Variants in SLC25A1 observed in about 807,000 individuals in gnomAD.
SLC25A1 encodes solute carrier family 25 member 1.
A neutral mutation model predicts 38.1 loss-of-function variants in SLC25A1; 26 were observed. That is an observed-to-expected ratio of 0.68 (90% CI 0.50 to 0.95). The LOEUF (loss-of-function observed/expected upper bound fraction) is 0.95. Ranked by LOEUF, SLC25A1 falls within the 40% of genes least tolerant of loss-of-function variation. SLC25A1 has a pLI of 0.00. For missense variants in SLC25A1, 378 were observed against 426.6 expected (o/e 0.89, Z 1.00); for synonymous variants, 211 against 183.2 (o/e 1.15, Z -1.23).
chr22:19,178,728 T>G lies in SLC25A1; in HGVS notation c.-55A>C. 1.2e-6 allele frequency: 1 copy of G among 865,552 alleles called. No homozygotes were observed. Among genetic ancestry groups the G allele is most frequent in the South Asian group, 5.3e-5 (1 of 18,890 alleles). 53.6% of individuals were successfully genotyped at this position (865,552 alleles called of 1,614,324 possible). ...GGCTTCGGGTCCGAGACTCCAGAACTCCGCGCTCGGTCCGCGGTGGCGGCG... is the reference window on the plus strand; with the variant it reads ...GGCTTCGGGTCCGAGACTCCAGAACGCCGCGCTCGGTCCGCGGTGGCGGCG... On this transcript the variant is annotated 5_prime_UTR_variant, in exon 1 of 9. Coordinates refer to ENST00000215882, the MANE Select transcript of SLC25A1 (RefSeq NM_005984.5). The surrounding 1 kb of genome is among the most constrained non-coding windows in gnomAD (Gnocchi z 4.9).
At chr22:19,177,355 G>T in intron 4 of SLC25A1, 151 bp from the exon 5 acceptor site, 1 of 644,000 alleles carries the variant, frequency 1.6e-6, no homozygotes, top group Non-Finnish European at 2.7e-6. Context: ...CTGCCCACAC[G>T]GACCATGCCC....
chr22:19,176,225 G>C lies in SLC25A1; in HGVS notation c.841C>G (p.Pro281Ala). 6.2e-7 allele frequency: 1 copy of C among 1,613,222 alleles called. No homozygotes were observed. Among genetic ancestry groups the C allele is most frequent in the Non-Finnish European group, 8.5e-7 (1 of 1,179,988 alleles). ...GLKAFYKGTVPRLGRVCLDVA... is the reference protein window; with the variant it reads ...GLKAFYKGTVARLGRVCLDVA... ...TCCAGGCAGACCCGGCCCAGGCGGG[G>C]GACAGTGCCCTTGTAGAATCTGGGT... Residue 281 changes from proline (P) to alanine (A), a missense_variant, in exon 9 of 9, where the codon CCC (proline) becomes GCC (alanine). Pro to Ala is a conservative substitution (Grantham distance 27). Coordinates refer to ENST00000215882, the MANE Select transcript of SLC25A1 (RefSeq NM_005984.5).
chr22:19,178,635 G>C lies in SLC25A1; in HGVS notation c.39C>G (p.Ala13=). The change falls in exon 1 of 9, where the codon GCC becomes GCG. Residue 13 remains alanine, a synonymous_variant. Coordinates refer to ENST00000215882, the MANE Select transcript of SLC25A1 (RefSeq NM_005984.5). This position sits in a 1 kb window ranked among gnomAD's most constrained non-coding sequence, Gnocchi z 4.9. ...APRAPRALAA[A]APASGKAKLT... Reference sequence around the variant, plus strand: ...GCTTGGCCTTCCCGGACGCGGGCGCGGCGGCCGCCAGAGCGCGCGGGGCGC... The same window carrying C: ...GCTTGGCCTTCCCGGACGCGGGCGCCGCGGCCGCCAGAGCGCGCGGGGCGC... 2 of 1,190,116 alleles carry C rather than the reference G, an allele frequency of 1.7e-6. No individual in the cohort carries two copies. Among genetic ancestry groups the C allele is most frequent in the Non-Finnish European group, 2.1e-6 (2 of 961,304 alleles). The allele number at this position is 1,190,116 out of a possible 1,614,324, so 73.7% of individuals were successfully genotyped here.
rs1555922370 is a variant in SLC25A1 at position 19,176,573 on chromosome 22, A to G, written c.747+5T>C. 1.2e-6 allele frequency: 2 copies of G among 1,611,024 alleles called. No individual in the cohort carries two copies. On this transcript the variant is annotated splice_donor_5th_base_variant and intron_variant, in intron 7 of 8. Transcript: ENST00000215882. ...CCCTTCCCCTCCCCTTCCCGGCCCC[A>G]CCACCTGCATCCGGGTCTTAATCAC... is the stretch of plus-strand genomic sequence containing the variant.
At position 19,176,881 on chromosome 22, in the gene SLC25A1, A is replaced by T. The variant is rs782234675; in HGVS notation, c.596T>A (p.Phe199Tyr). The change falls in exon 6 of 9, where the codon TTC becomes TAC. Residue 199 changes from phenylalanine to tyrosine, a missense_variant. Physicochemically the swap from Phe to Tyr is conservative, Grantham distance 22. Transcript: ENST00000215882. ...GTTGCGCAGGGAGGTCATGACGAAGAAGCGGATGGCCTGGTTCGAGCCCTG... is the reference window on the plus strand; with the variant it reads ...GTTGCGCAGGGAGGTCATGACGAAGTAGCGGATGGCCTGGTTCGAGCCCTG... ...LKQGSNQAIR[F>Y]FVMTSLRNWY... The T allele has an allele frequency of 6.2e-7, 1 of 1,613,882 alleles. No individual in the cohort carries two copies. The highest frequency in any genetic ancestry group is 8.5e-7 in the Non-Finnish European group (1 of 1,180,012).
intron 4 of SLC25A1, among the ~76,000 whole-genome samples, chr22:19,177,497 A>G (rs554894426): frequency 2.0e-5 from 3 of 152,202 alleles, no homozygotes; most frequent in Non-Finnish European, 4.4e-5. Flanking sequence ...CTGCTTTATA[A>G]AAGTATTTTT....
chr22:19,178,699 T>C lies in SLC25A1; in HGVS notation c.-26A>G. ...GGCGGGCGGGAGGCGGGGCGCCCTG[T>C]GGCGGCTTCGGGTCCGAGACTCCAG... On this transcript the variant is annotated 5_prime_UTR_variant, in exon 1 of 9. Coordinates refer to ENST00000215882, the MANE Select transcript of SLC25A1 (RefSeq NM_005984.5). The surrounding 1 kb of genome is among the most constrained non-coding windows in gnomAD (Gnocchi z 4.9). 9.6e-7 allele frequency: 1 copy of C among 1,043,536 alleles called. No individual in the cohort carries two copies. Among genetic ancestry groups the C allele is most frequent in the Non-Finnish European group, 1.2e-6 (1 of 857,224 alleles). 64.6% of individuals were successfully genotyped at this position (1,043,536 alleles called of 1,614,324 possible). A position where few individuals can be genotyped will look rare whatever the true frequency, so the allele number is the denominator to read the frequency against.
rs1555922444 is a variant in SLC25A1, at chr22:19,176,705, AG to A, written c.632-13del. 1 of 1,611,042 alleles carries A rather than the reference AG, an allele frequency of 6.2e-7. No homozygotes were observed. Among genetic ancestry groups the A allele is most frequent in the Admixed American group, 1.7e-5 (1 of 60,004 alleles). On this transcript the variant is annotated splice_polypyrimidine_tract_variant and intron_variant, in intron 6 of 8. Transcript: ENST00000215882. ...GTTGGGGTTGTCCCCTGGATATAGG[AG>A]GGGTGAGGTGGGTCAGAGGGTGCCG...
intron 4 of SLC25A1, 71 bp from the exon 5 acceptor site, chr22:19,177,275 AG>A: frequency 7.6e-7 from 1 of 1,307,246 alleles, no homozygotes; most frequent in South Asian, 1.2e-5. Flanking sequence ...TGGCAGGCCC[AG>A]GGCCCATCCA....
Position 19,175,994 on chromosome 22 carries a change from C to G in SLC25A1, c.*136G>C. 1.7e-6 allele frequency: 1 copy of G among 596,112 alleles called. No individual in the cohort carries two copies. The allele number at this position is 596,112 out of a possible 1,614,324, so 36.9% of individuals were successfully genotyped here. A position where few individuals can be genotyped will look rare whatever the true frequency, so the allele number is the denominator to read the frequency against. ...GGGGGACACATGGATTTGACAGCCA[C>G]AATGCACAGACCAGGCTACAGAGCT... is the stretch of plus-strand genomic sequence containing the variant. On this transcript the variant is annotated 3_prime_UTR_variant, in exon 9 of 9. Transcript: ENST00000215882.
Position 19,176,252 on chromosome 22 carries a change from G to C in SLC25A1, c.822-8C>G, listed in dbSNP as rs1555922234. The C allele has an allele frequency of 6.2e-7, 1 of 1,608,166 alleles. No individual in the cohort carries two copies. The highest frequency in any genetic ancestry group is 2.2e-5 in the East Asian group (1 of 44,862). ...ACAGTGCCCTTGTAGAATCTGGGTGGGAGGAGGGGCGGGGAGAGGAAGGCA... is the reference window on the plus strand; with the variant it reads ...ACAGTGCCCTTGTAGAATCTGGGTGCGAGGAGGGGCGGGGAGAGGAAGGCA... On this transcript the variant is annotated splice_polypyrimidine_tract_variant and splice_region_variant and intron_variant, in intron 8 of 8. Transcript: ENST00000215882.
rs1477660950 is a variant in SLC25A1, at chr22:19,176,414, C to G, written c.821+7G>C. 1.2e-6 allele frequency: 2 copies of G among 1,613,200 alleles called. No individual in the cohort carries two copies. Among genetic ancestry groups the G allele is most frequent in the Non-Finnish European group, 8.5e-7 (1 of 1,179,674 alleles). On this transcript the variant is annotated splice_region_variant and intron_variant, in intron 8 of 8. Coordinates refer to ENST00000215882, the MANE Select transcript of SLC25A1 (RefSeq NM_005984.5). The stretch of plus-strand genomic sequence containing the variant: ...GGGGACAATAGCCCTGCCCCTCCCC[C>G]ACTCACGCCTTGAGCCCCTCCTTCT...
In SLC25A1 at chr22:19,178,708, C is replaced by T. The variant is rs1381086552; in HGVS notation, c.-35G>A. ...GAGGCGGGGCGCCCTGTGGCGGCTT[C>T]GGGTCCGAGACTCCAGAACTCCGCG... On this transcript the variant is annotated 5_prime_UTR_variant, in exon 1 of 9. Transcript: ENST00000215882. This position sits in a 1 kb window ranked among gnomAD's most constrained non-coding sequence, Gnocchi z 4.9. The T allele has an allele frequency of 2.0e-6, 2 of 1,002,730 alleles. No homozygotes were observed. Among genetic ancestry groups the T allele is most frequent in the African/African-American group, 1.7e-5 (1 of 57,858 alleles). The allele number at this position is 1,002,730 out of a possible 1,614,324, so 62.1% of individuals were successfully genotyped here.
intron 5 of SLC25A1, 67 bp from the exon 6 acceptor site, chr22:19,177,017 G>T (rs925436143): frequency 1.2e-5 from 19 of 1,584,222 alleles, no homozygotes; most frequent in South Asian, 3.3e-5. Flanking sequence ...TGGTGTGTGT[G>T]GGGGGTGGGT....
At chr22:19,176,792 G>T in intron 6 of SLC25A1, 54 bp downstream of exon 6, 1 of 1,601,496 alleles carries the variant, frequency 6.2e-7, no homozygotes, top group Non-Finnish European at 8.6e-7. Context: ...TGGCCCCAAG[G>T]AGAGGAGAGG....
chr22:19,177,011 G>T (rs1555922569), intron 5 of SLC25A1, 61 bp from the exon 6 acceptor site: 1 of 1,593,072 alleles, frequency 6.3e-7, no homozygotes, highest in Non-Finnish European at 8.6e-7. Context: ...GGGAATTGGT[G>T]TGTGTGGGGG....
Position 19,176,884 on chromosome 22 carries a change from C to T in SLC25A1, c.593G>A (p.Arg198His), listed in dbSNP as rs1331417017. The change falls in exon 6 of 9, where the codon CGC becomes CAC. Residue 198 changes from arginine to histidine, a missense_variant. Transcript: ENST00000215882. ...GCGCAGGGAGGTCATGACGAAGAAG[C>T]GGATGGCCTGGTTCGAGCCCTGCTT... ...VLKQGSNQAIRFFVMTSLRNW... is the reference protein window; with the variant it reads ...VLKQGSNQAIHFFVMTSLRNW... 4 of 1,613,858 alleles carry T rather than the reference C, an allele frequency of 2.5e-6. No individual in the cohort carries two copies. The highest frequency in any genetic ancestry group is 2.5e-6 in the Non-Finnish European group (3 of 1,180,020).
At position 19,175,789 on chromosome 22, in the gene SLC25A1, G is replaced by T. The variant is rs1555922093; in HGVS notation, c.*341C>A. ...GGGCAGGGTGGAAGGCACCGGACTG[G>T]GACCGGGCCAGGGCTACAGGGCCGA... On this transcript the variant is annotated 3_prime_UTR_variant, in exon 9 of 9. Coordinates refer to ENST00000215882, the MANE Select transcript of SLC25A1 (RefSeq NM_005984.5). 3.1e-6 allele frequency: 1 copy of T among 323,650 alleles called. No individual in the cohort carries two copies. The highest frequency in any genetic ancestry group is 2.2e-5 in the African/African-American group (1 of 46,350). 20.0% of individuals were successfully genotyped at this position (323,650 alleles called of 1,614,324 possible).
chr22:19,176,077 T>C lies in SLC25A1; in HGVS notation c.*53A>G. ...CTGCACTGGAATCGTGAGACAAAGGTAGCAGGACACTCTGGCGGTGCCTGG... is the reference window on the plus strand; with the variant it reads ...CTGCACTGGAATCGTGAGACAAAGGCAGCAGGACACTCTGGCGGTGCCTGG... On this transcript the variant is annotated 3_prime_UTR_variant, in exon 9 of 9. Coordinates refer to ENST00000215882, the MANE Select transcript of SLC25A1 (RefSeq NM_005984.5). 2 of 1,440,820 alleles carry C rather than the reference T, an allele frequency of 1.4e-6. No homozygotes were observed. Among genetic ancestry groups the C allele is most frequent in the Admixed American group, 1.7e-5 (1 of 59,778 alleles). The allele number at this position is 1,440,820 out of a possible 1,614,324, so 89.3% of individuals were successfully genotyped here. A position where few individuals can be genotyped will look rare whatever the true frequency, so the allele number is the denominator to read the frequency against.
Sources: allele counts gnomAD v4.1 joint callset (sites outside exome capture counted in the v4.1 genomes callset), GRCh38; gene constraint gnomAD v4.1.1; non-coding constraint Gnocchi (gnomAD v3.1); transcripts MANE v1.5; gene names NCBI Gene and HGNC (gene_info 2026-07-23, HGNC 2026-07-21).